SBF2: variants seen among roughly 807,000 people sequenced by gnomAD.
The protein encoded by SBF2 is SET binding factor 2.
A neutral mutation model predicts 225.2 loss-of-function variants in SBF2; 112 were observed. That is an observed-to-expected ratio of 0.50 (90% CI 0.43 to 0.58). The LOEUF is 0.58. Among genes scored for constraint, SBF2 ranks in the 20% least tolerant of loss-of-function variants. SBF2 has a pLI of 0.00. For synonymous variants in SBF2, 763 were observed against 773.3 expected, an observed-to-expected ratio of 0.99 and a Z score of 0.22; for missense variants, 1,996 against 2,206.2, an observed-to-expected ratio of 0.90 and a Z score of 1.91.
intron 17 of SBF2, among the ~76,000 whole-genome samples, chr11:9,877,796 T>C (rs552920944): frequency 1.2e-4 from 19 of 152,216 alleles, no homozygotes; most frequent in Non-Finnish European, 2.5e-4. Flanking sequence ...CAACCTATCA[T>C]TGATGGACAT....
intron 17 of SBF2, among the ~76,000 whole-genome samples, chr11:9,894,565 T>G (rs528287052): frequency 1.1e-4 from 16 of 151,682 alleles, no homozygotes; most frequent in African/African-American, 3.9e-4. Flanking sequence ...GTGCCTGTAG[T>G]TCCAGCTACT....
At chr11:9,783,555 C>G (rs1394635984) in intron 38 of SBF2, among the ~76,000 whole-genome samples, 1 of 152,220 alleles carries the variant, frequency 6.6e-6, no homozygotes, top group African/African-American at 2.4e-5. Flanking sequence ...CCATGCAGCT[C>G]TCAGTAATGC....
intron 16 of SBF2, among the ~76,000 whole-genome samples, chr11:9,917,612 A>G (rs1052939972): frequency 1.3e-5 from 2 of 151,660 alleles, no homozygotes; most frequent in Admixed American, 6.6e-5. Flanking sequence ...GATTACAGGC[A>G]TGAGCCACTG....
At chr11:9,809,389 TTA>T (rs1854041973) in intron 30 of SBF2, 1 of 178,912 alleles carries the variant, frequency 5.6e-6, no homozygotes, top group Non-Finnish European at 1.2e-5. Context: ...TAAAATTACC[TTA>T]CATGATTCCC....
chr11:10,257,664 CAA>C lies in SBF2; in HGVS notation c.55+36349_55+36350del, dbSNP rs58743421. Among the ~76,000 whole-genome samples the C allele has an allele frequency of 9.8e-3, 384 of 39,044 alleles. 1 individual carries two copies. Among genetic ancestry groups the C allele is most frequent in the Middle Eastern group, 0.028 (1 of 36 alleles). 25.6% of individuals were successfully genotyped at this position (39,044 alleles called of 152,430 possible). A position where few individuals can be genotyped will look rare whatever the true frequency, so the allele number is the denominator to read the frequency against. On this transcript the variant is annotated intron_variant, in intron 1 of 39. Coordinates refer to ENST00000256190, the MANE Select transcript of SBF2 (RefSeq NM_030962.4). The stretch of plus-strand genomic sequence containing the variant: ...TGGGTGACAGAGTGAGGCCTTGCCT[CAA>C]AAAAAAAAAAAAAAAAAAAAAAAAG...
intron 1 of SBF2, among the ~76,000 whole-genome samples, chr11:10,246,830 T>C (rs1277367170): frequency 6.6e-6 from 1 of 152,108 alleles, no homozygotes; most frequent in East Asian, 1.9e-4. Flanking sequence ...ATCTCACCAC[T>C]TTGGGAGGTC....
intron 6 of SBF2, among the ~76,000 whole-genome samples, chr11:10,015,827 G>A (rs78172466): frequency 0.011 from 1,722 of 151,318 alleles, 18 homozygotes; most frequent in African/African-American, 0.04. Flanking sequence ...TTTTTGAGAC[G>A]GAGTCTCACT....
At chr11:10,079,816 GA>G (rs1464819538) in intron 2 of SBF2, among the ~76,000 whole-genome samples, 6 of 151,576 alleles carry the variant, frequency 4.0e-5, no homozygotes, top group East Asian at 1.9e-4. Context: ...ATTAAGAGGG[GA>G]AAAAAAATTC....
chr11:9,989,196 G>A (rs564841710), intron 13 of SBF2, among the ~76,000 whole-genome samples: 7 of 152,130 alleles, frequency 4.6e-5, no homozygotes, highest in Non-Finnish European at 8.8e-5. Flanking sequence ...CTCAGGGATG[G>A]AAAACCAAAC....
At chr11:10,025,708 T>G (rs139173875) in intron 6 of SBF2, among the ~76,000 whole-genome samples, 12,530 of 152,196 alleles carry the variant, frequency 0.082, 699 homozygotes, top group East Asian at 0.28. Flanking sequence ...CAAGCGATTC[T>G]CATGCCTCAG....
intron 27 of SBF2, 77 bp downstream of exon 27, chr11:9,832,147 C>A: frequency 7.5e-7 from 1 of 1,326,650 alleles, no homozygotes; most frequent in Non-Finnish European, 1.1e-6. Context: ...AGGCACCATT[C>A]CCAGATTTTA....
At chr11:10,248,849 G>C (rs1164164479) in intron 1 of SBF2, among the ~76,000 whole-genome samples, 1 of 152,146 alleles carries the variant, frequency 6.6e-6, no homozygotes, top group Non-Finnish European at 1.5e-5. Flanking sequence ...TAATCCTAGG[G>C]CTTTGGGAGG....
chr11:10,295,676 T>C (rs1436984243), upstream of SBF2, among the ~76,000 whole-genome samples: 1 of 152,058 alleles, frequency 6.6e-6, no homozygotes, highest in East Asian at 1.9e-4. Flanking sequence ...TCACTTTCAG[T>C]AAAAAGTAAT....
intron 2 of SBF2, among the ~76,000 whole-genome samples, chr11:10,135,001 C>G (rs1367724553): frequency 1.3e-5 from 2 of 152,242 alleles, no homozygotes; most frequent in Non-Finnish European, 2.9e-5. Flanking sequence ...CCTGAGGACC[C>G]TGCCCCAGCA....
rs935208245 is a variant in SBF2, at chr11:9,785,279, T to A, written c.5077A>T (p.Thr1693Ser). Residue 1693 changes from threonine (T) to serine (S), a missense_variant, in exon 37 of 40, where the codon ACC (threonine) becomes TCC (serine). Physicochemically the swap from Thr to Ser is moderately conservative, Grantham distance 58. Transcript: ENST00000256190. ...HLSRSPGIVS[T>S]NLPSYQKRSL... ...CTCTTCTGATAGGAAGGTAGGTTGG[T>A]AGACACAATTCCTGGGGATCTCGAC... 1 of 1,614,204 alleles carries A rather than the reference T, an allele frequency of 6.2e-7. No homozygotes were observed. Among genetic ancestry groups the A allele is most frequent in the Non-Finnish European group, 8.5e-7 (1 of 1,180,030 alleles).
At chr11:9,928,275 C>A (rs1408173297) in intron 16 of SBF2, among the ~76,000 whole-genome samples, 1 of 151,990 alleles carries the variant, frequency 6.6e-6, no homozygotes, top group Non-Finnish European at 1.5e-5. Context: ...ACAAACAACC[C>A]AATTTAAAAA....
intron 17 of SBF2, among the ~76,000 whole-genome samples, chr11:9,887,697 T>C (rs180684031): frequency 5.3e-5 from 8 of 152,292 alleles, no homozygotes; most frequent in Admixed American, 5.2e-4. Flanking sequence ...CTGATGCTTG[T>C]CTTCACTCTC....
chr11:10,166,960 T>TCCACAC (rs1225835448), intron 2 of SBF2, among the ~76,000 whole-genome samples: 1 of 121,798 alleles, frequency 8.2e-6, no homozygotes, highest in Non-Finnish European at 1.7e-5. Flanking sequence ...AGACTCTGTC[T>TCCACAC]CCACACACAC....
intron 2 of SBF2, among the ~76,000 whole-genome samples, chr11:10,160,892 C>G (rs1260959075): frequency 3.3e-5 from 5 of 152,088 alleles, no homozygotes; most frequent in African/African-American, 1.2e-4. Flanking sequence ...TCCATAAAAT[C>G]TTCTTGTACC....
Sources: allele counts gnomAD v4.1 joint callset (sites outside exome capture counted in the v4.1 genomes callset), GRCh38; gene constraint gnomAD v4.1.1; transcripts MANE v1.5; gene names NCBI Gene and HGNC (gene_info 2026-07-23, HGNC 2026-07-21).